IL4I1: variants seen among roughly 807,000 people sequenced by gnomAD.
IL4I1 encodes the protein L-amino-acid oxidase.
IL4I1 carries 24 observed loss-of-function variants against 29.7 expected under a neutral mutation model. The observed-to-expected ratio is 0.81, with a 90% confidence interval of 0.59 to 1.14. IL4I1 has a LOEUF of 1.14. IL4I1 is among the 50% of genes most tolerant of loss of function. IL4I1 has a pLI of 0.00. For synonymous variants in IL4I1, 371 were observed against 352.5 expected (o/e 1.05, Z -0.59); for missense variants, 686 against 785.6 (o/e 0.87, Z 1.52).
chr19:49,893,816 G>A (rs574068732), intron 5 of IL4I1, among the ~76,000 whole-genome samples: 11 of 151,842 alleles, frequency 7.2e-5, no homozygotes, highest in South Asian at 6.3e-4. Flanking sequence ...GTGAAACCCC[G>A]TCTCTATTAA....
intron 1 of IL4I1, chr19:49,928,705 T>C (rs2075975756): frequency 1.3e-5 from 2 of 152,156 alleles, no homozygotes; most frequent in African/African-American, 4.8e-5. Flanking sequence ...GGTCTGTATT[T>C]GGGAGAGTGC....
rs974830035 is a variant in IL4I1, at chr19:49,895,704, C to T, written c.252+111G>A. The T allele has an allele frequency of 1.2e-5, 9 of 761,320 alleles. 1 individual carries two copies. The African/African-American group carries it at 1.2e-4, about 11-fold the overall frequency. 47.2% of individuals were successfully genotyped at this position (761,320 alleles called of 1,614,324 possible). On this transcript the variant is annotated intron_variant, in intron 3 of 7. Coordinates refer to ENST00000391826, the MANE Select transcript of IL4I1 (RefSeq NM_152899.2). ...TACAGGGAAAGATAGCCTCTCCCCC[C>T]ACATCCCCACCTCCACCCCCTCAAG...
At chr19:49,914,731 T>TG (rs2075578023) in intron 2 of IL4I1, among the ~76,000 whole-genome samples, 1 of 88,202 alleles carries the variant, frequency 1.1e-5, no homozygotes, top group Admixed American at 1.3e-4. Context: ...TCCCAGTTTT[T>TG]TTTTTTTTTT....
intron 2 of IL4I1, among the ~76,000 whole-genome samples, chr19:49,923,521 AG>A (rs1372165221): frequency 6.6e-6 from 1 of 152,198 alleles, no homozygotes; most frequent in African/African-American, 2.4e-5. Context: ...AAGCAGAAGC[AG>A]GCGTGGCGAG....
At chr19:49,904,357 A>G (rs951337778) in intron 2 of IL4I1, 10 of 152,118 alleles carry the variant, frequency 6.6e-5, no homozygotes, top group Non-Finnish European at 1.2e-4. Flanking sequence ...TGGAGCCATC[A>G]CCCGCGGTGG....
At chr19:49,916,512 G>A (rs1389806683) in intron 2 of IL4I1, among the ~76,000 whole-genome samples, 2 of 151,606 alleles carry the variant, frequency 1.3e-5, no homozygotes, top group African/African-American at 2.4e-5. Flanking sequence ...GGTGGCTCAC[G>A]CCTGTAATCC....
chr19:49,904,849 A>G (rs2075301373), intron 2 of IL4I1, among the ~76,000 whole-genome samples: 1 of 152,036 alleles, frequency 6.6e-6, no homozygotes, highest in Admixed American at 6.6e-5. Context: ...AGCTGGGACT[A>G]TAGGCGCCTG....
chr19:49,914,565 G>T (rs1422243131), intron 2 of IL4I1, among the ~76,000 whole-genome samples: 1 of 152,034 alleles, frequency 6.6e-6, no homozygotes, highest in East Asian at 1.9e-4. Flanking sequence ...TGGGAACCCG[G>T]AGGAAGACCC....
At chr19:49,907,889 GGAGA>G (rs2075359472) in intron 2 of IL4I1, 1 of 408,862 alleles carries the variant, frequency 2.4e-6, no homozygotes, top group Admixed American at 4.0e-5. Flanking sequence ...ACTATGCTTT[GGAGA>G]GAGTGGCTGC....
intron 2 of IL4I1, among the ~76,000 whole-genome samples, chr19:49,911,962 G>A (rs1296293432): frequency 1.3e-5 from 2 of 152,190 alleles, no homozygotes; most frequent in Admixed American, 1.3e-4. Context: ...TCAAGCCGGT[G>A]TGTTGTTACT....
intron 2 of IL4I1, among the ~76,000 whole-genome samples, chr19:49,910,293 T>C (rs147213944): frequency 0.011 from 1,642 of 151,870 alleles, 27 homozygotes; most frequent in African/African-American, 0.037. Context: ...TCTAGCAGGG[T>C]GTGAGCGGAT....
chr19:49,891,657 C>A (rs1221609352), intron 5 of IL4I1, among the ~76,000 whole-genome samples, 184 bp from the exon 6 acceptor site: 1 of 152,258 alleles, frequency 6.6e-6, no homozygotes, highest in Non-Finnish European at 1.5e-5. Context: ...AACTCAGATG[C>A]CACTGCTCCT....
chr19:49,924,501 C>T (rs147540590), intron 2 of IL4I1, among the ~76,000 whole-genome samples: 6 of 152,156 alleles, frequency 3.9e-5, no homozygotes, highest in South Asian at 2.1e-4. Context: ...TGCCTGCAAC[C>T]ACCGCCTCAC....
chr19:49,889,801 C>G lies in IL4I1; in HGVS notation c.1573G>C (p.Glu525Gln). The change falls in exon 8 of 8, where the codon GAG becomes CAG. Residue 525 changes from glutamate to glutamine, a missense_variant. By Grantham distance (29) the Glu-to-Gln change is conservative. Coordinates refer to ENST00000391826, the MANE Select transcript of IL4I1 (RefSeq NM_152899.2). ...ASPEGHASDM[E>Q]GQGHVHGVAS... The stretch of plus-strand genomic sequence containing the variant: ...ACCCCATGCACATGCCCCTGCCCCT[C>G]CATGTCAGATGCGTGCCCCTCGGGG... 2 of 1,544,332 alleles carry G rather than the reference C, an allele frequency of 1.3e-6. No homozygotes were observed. The highest frequency in any genetic ancestry group is 8.7e-7 in the Non-Finnish European group (1 of 1,145,292).
At chr19:49,923,509 G>A (rs551178478) in intron 2 of IL4I1, among the ~76,000 whole-genome samples, 3 of 152,348 alleles carry the variant, frequency 2.0e-5, no homozygotes, top group African/African-American at 7.2e-5. Context: ...CGGCGGATCT[G>A]AAAGCAGAAG....
chr19:49,890,461 G>A lies in IL4I1; in HGVS notation c.913C>T (p.Pro305Ser), dbSNP rs1568682911. The A allele has an allele frequency of 1.9e-6, 3 of 1,611,974 alleles. No homozygotes were observed. Among genetic ancestry groups the A allele is most frequent in the African/African-American group, 1.3e-5 (1 of 75,034 alleles). The change falls in exon 8 of 8, where the codon CCC (proline) becomes TCC (serine). Residue 305 changes from proline (P) to serine (S), a missense_variant. Pro to Ser is a moderately conservative substitution (Grantham distance 74). Coordinates refer to ENST00000391826, the MANE Select transcript of IL4I1 (RefSeq NM_152899.2). ...AGCACCTTCAGATTCCGCGCCGGGG[G>A]AGAGGTCTCGATCTGCACGTGCACA... ...HDVHVQIETSPPARNLKVLKA... is the reference protein window; with the variant it reads ...HDVHVQIETSSPARNLKVLKA...
chr19:49,896,772 T>G, intron 1 of IL4I1, 63 bp downstream of exon 1: 1 of 935,030 alleles, frequency 1.1e-6, no homozygotes, highest in Non-Finnish European at 1.3e-6. Context: ...TCCTGACTGC[T>G]TCTCAGTCCC....
intron 2 of IL4I1, among the ~76,000 whole-genome samples, chr19:49,911,560 C>A (rs568275907): frequency 6.6e-6 from 1 of 152,248 alleles, no homozygotes; most frequent in South Asian, 2.1e-4. Context: ...CCACCCCTTC[C>A]ACTGCACCCT....
rs772779500 is a variant in IL4I1 at position 49,921,963 on chromosome 19, C to T, written c.-228+5731G>A. ...ATTTGCTGCGAGAAAGCAGCCCCGA[C>T]GGCAGGGCCCTAGGGCCCCAGGCCA... On this transcript the variant is annotated intron_variant, in intron 2 of 9. Transcript: ENST00000341114. The surrounding 1 kb of genome is among the most constrained non-coding windows in gnomAD (Gnocchi z 5.4). 6.6e-6 allele frequency among the ~76,000 whole-genome samples: 1 copy of T among 152,202 alleles called. No individual in the cohort carries two copies. The highest frequency in any genetic ancestry group is 2.1e-4 in the South Asian group (1 of 4,836).
Sources: allele counts gnomAD v4.1 joint callset (sites outside exome capture counted in the v4.1 genomes callset), GRCh38; gene constraint gnomAD v4.1.1; non-coding constraint Gnocchi (gnomAD v3.1); transcripts MANE v1.5; gene names NCBI Gene and HGNC (gene_info 2026-07-23, HGNC 2026-07-21).